AMPD2: variants seen among roughly 807,000 people sequenced by gnomAD.
AMPD2 encodes the protein AMP deaminase 2.
AMPD2 carries 52 observed loss-of-function variants against 91.3 expected under a neutral mutation model. The ratio of observed to expected loss-of-function variants is 0.57; its 90% CI spans 0.46 to 0.72. The LOEUF is 0.72. Among genes scored for constraint, AMPD2 ranks in the 30% least tolerant of loss-of-function variants. The pLI is 0.00. For synonymous variants in AMPD2, 455 were observed against 456.4 expected, an observed-to-expected ratio of 1.00 and a Z score of 0.04; for missense variants, 822 against 1,122.3, an observed-to-expected ratio of 0.73 and a Z score of 3.82.
In AMPD2 at chr1:109,625,874, G is replaced by A. The variant is rs113183446; in HGVS notation, c.353+82G>A. On this transcript the variant is annotated intron_variant, in intron 4 of 18. Coordinates refer to ENST00000528667, the MANE Select transcript of AMPD2 (RefSeq NM_001368809.2). The surrounding 1 kb of genome is among the most constrained non-coding windows in gnomAD (Gnocchi z 4.0). ...AGCCCCTTTTCTGCCTCTTTCCCTC[G>A]CACCCTGCCTTGGGGGGTCTGCACA... The A allele has an allele frequency of 3.1e-5, 49 of 1,571,544 alleles. No individual in the cohort carries two copies. The highest frequency in any genetic ancestry group is 7.1e-5 in the Admixed American group (4 of 56,652).
In AMPD2 at chr1:109,620,104, C is replaced by CA. The variant is rs1650119208; in HGVS notation, c.-435dup. On this transcript the variant is annotated 5_prime_UTR_variant, in exon 1 of 19. Coordinates refer to ENST00000528667, the MANE Select transcript of AMPD2 (RefSeq NM_001368809.2). ...CGGGAGTCCACCTCCGGCCAGCTGG[C>CA]AATTTTGAAAGACTGCCTTACTTTC... 1.0e-6 allele frequency: 1 copy of CA among 990,250 alleles called. No individual in the cohort carries two copies. The highest frequency in any genetic ancestry group is 1.5e-6 in the Non-Finnish European group (1 of 651,636). The allele number at this position is 990,250 out of a possible 1,614,324, so 61.3% of individuals were successfully genotyped here.
In AMPD2 at chr1:109,625,523, C is replaced by G; in HGVS notation, c.222+90C>G. The G allele has an allele frequency of 1.2e-6, 2 of 1,600,792 alleles. No homozygotes were observed. Among genetic ancestry groups the G allele is most frequent in the Admixed American group, 1.7e-5 (1 of 59,548 alleles). On this transcript the variant is annotated intron_variant, in intron 3 of 18. Transcript: ENST00000528667. The surrounding 1 kb of genome is among the most constrained non-coding windows in gnomAD (Gnocchi z 4.0). ...CCCTCACCTCAAGCTGTCCCCTCAC[C>G]TCACGCTTGGCTGTCTCCTGATCCT...
rs758357955 is a variant in AMPD2, at chr1:109,628,237, C to T, written c.1235C>T (p.Thr412Met). 17 of 1,613,966 alleles carry T rather than the reference C, an allele frequency of 1.1e-5. No homozygotes were observed. Among genetic ancestry groups the T allele is most frequent in the Admixed American group, 3.3e-5 (2 of 60,026 alleles). The change falls in exon 11 of 19, where the codon ACG (threonine) becomes ATG (methionine). Residue 412 changes from threonine (T) to methionine (M), a missense_variant. This residue lies in a region of AMPD2 where 430 missense variants were observed against 606.0 expected (regional missense o/e 0.71). Coordinates refer to ENST00000528667, the MANE Select transcript of AMPD2 (RefSeq NM_001368809.2). This position sits in a 1 kb window ranked among gnomAD's most constrained non-coding sequence, Gnocchi z 7.1. ...LREVFESMNL[T>M]AYDLSVDTLD... ...GAGGTCTTTGAGAGCATGAATCTCACGGCCTACGACCTGAGTGTGGACACG... is the reference window on the plus strand; with the variant it reads ...GAGGTCTTTGAGAGCATGAATCTCATGGCCTACGACCTGAGTGTGGACACG...
In AMPD2 at chr1:109,627,766, A is replaced by G. The variant is rs369404045; in HGVS notation, c.951-8A>G. ...CCTAAGTCCCTGCCTTGTTCTCCTC[A>G]TGCCCAGAAAGTCATTCTGCTACCG... On this transcript the variant is annotated splice_polypyrimidine_tract_variant and splice_region_variant and intron_variant, in intron 9 of 18. Transcript: ENST00000528667. 6.2e-7 allele frequency: 1 copy of G among 1,613,410 alleles called. No homozygotes were observed. The highest frequency in any genetic ancestry group is 1.3e-5 in the African/African-American group (1 of 74,748).
intron 7 of AMPD2, 65 bp downstream of exon 7, chr1:109,626,977 C>G: frequency 6.4e-7 from 1 of 1,564,578 alleles, no homozygotes; most frequent in Non-Finnish European, 8.7e-7. Flanking sequence ...AGCCTGGTGC[C>G]TGGGCACCTC....
At position 109,621,208 on chromosome 1, in the gene AMPD2, C is replaced by G; in HGVS notation, c.33C>G (p.Pro11=). ...CCTATCCATCTGGCTCTGGCAAGCCCAAGGCCAAATATCCCTTTAAGAAGC... is the reference window on the plus strand; with the variant it reads ...CCTATCCATCTGGCTCTGGCAAGCCGAAGGCCAAATATCCCTTTAAGAAGC... MASYPSGSGK[P]KAKYPFKKRA... is the part of the protein sequence containing the mutation. The change falls in exon 2 of 19, where the codon CCC becomes CCG. Residue 11 remains proline (P), a synonymous_variant. Coordinates refer to ENST00000528667, the MANE Select transcript of AMPD2 (RefSeq NM_001368809.2). 1 of 1,610,518 alleles carries G rather than the reference C, an allele frequency of 6.2e-7. No individual in the cohort carries two copies. The highest frequency in any genetic ancestry group is 8.5e-7 in the Non-Finnish European group (1 of 1,178,470).
chr1:109,620,494 G>A (rs1570573432), intron 1 of AMPD2: 3 of 1,198,514 alleles, frequency 2.5e-6, no homozygotes, highest in East Asian at 6.6e-5. Flanking sequence ...CAGACAAGGG[G>A]GTCTCCTGGC....
In AMPD2 at chr1:109,631,259, C is replaced by T; in HGVS notation, c.*107C>T. 1 of 1,137,154 alleles carries T rather than the reference C, an allele frequency of 8.8e-7. No homozygotes were observed. The highest frequency in any genetic ancestry group is 1.3e-6 in the Non-Finnish European group (1 of 781,220). 70.4% of individuals were successfully genotyped at this position (1,137,154 alleles called of 1,614,324 possible). A position where few individuals can be genotyped will look rare whatever the true frequency, so the allele number is the denominator to read the frequency against. ...TGCATGTCTCCATTCTTCTCTGTCT[C>T]TGTCTTGCATGTCTCCTACCATGTC... On this transcript the variant is annotated 3_prime_UTR_variant, in exon 19 of 19. Transcript: ENST00000528667.
At chr1:109,630,130 C>T in intron 16 of AMPD2, 103 bp from the exon 17 acceptor site, 2 of 1,404,338 alleles carry the variant, frequency 1.4e-6, no homozygotes, top group Non-Finnish European at 2.0e-6. Flanking sequence ...AGCCTGGATT[C>T]CCCTCCCCCT....
intron 15 of AMPD2, 51 bp from the exon 16 acceptor site, chr1:109,629,745 A>C: frequency 1.3e-6 from 2 of 1,542,788 alleles, no homozygotes; most frequent in South Asian, 2.5e-5. Flanking sequence ...GGCTCCGGTG[A>C]GCCCAGGTGA....
rs1464906402 is a variant in AMPD2 at position 109,629,160 on chromosome 1, G to T, written c.1623G>T (p.Glu541Asp). The T allele has an allele frequency of 1.9e-6, 3 of 1,614,066 alleles. No homozygotes were observed. Among genetic ancestry groups the T allele is most frequent in the Admixed American group, 1.7e-5 (1 of 60,010 alleles). Residue 541 changes from glutamate (E) to aspartate (D), a missense_variant, in exon 14 of 19, where the codon GAG becomes GAT. Glu to Asp is a conservative substitution (Grantham distance 45). Around this residue, in one of 5 missense-constraint regions of AMPD2, gnomAD observed 430 missense variants for 606.0 expected, o/e 0.71. Transcript: ENST00000528667. ...TGGCCAACTTCCAGGAGATGCTGGAGAACATCTTCCTGCCACTGTTCGAGG... is the reference window on the plus strand; with the variant it reads ...TGGCCAACTTCCAGGAGATGCTGGATAACATCTTCCTGCCACTGTTCGAGG... ...GQLANFQEML[E>D]NIFLPLFEAT... is the part of the protein sequence containing the mutation.
intron 13 of AMPD2, 47 bp from the exon 14 acceptor site, chr1:109,629,062 C>T (rs1191173610): frequency 1.2e-6 from 2 of 1,602,418 alleles, no homozygotes; most frequent in African/African-American, 1.3e-5. Context: ...TGGGTTTCCT[C>T]CCACTGGCCC....
chr1:109,627,688 C>T, intron 9 of AMPD2, 86 bp from the exon 10 acceptor site: 1 of 1,575,270 alleles, frequency 6.3e-7, no homozygotes, highest in Non-Finnish European at 8.7e-7. Context: ...TACCCTCCCA[C>T]CTGCTCCCTC....
At position 109,626,325 on chromosome 1, in the gene AMPD2, C is replaced by T. The variant is rs1650679019; in HGVS notation, c.429C>T (p.Tyr143=). ...KTDSDSDLQL[Y]KEQGEGQGDR... Reference sequence around the variant, plus strand: ...TTGAATGCACCCCCTGCAGGCTCTACAAGGAACAGGGTGAGGGGCAGGGTG... The same window carrying T: ...TTGAATGCACCCCCTGCAGGCTCTATAAGGAACAGGGTGAGGGGCAGGGTG... Residue 143 remains tyrosine, a synonymous_variant, in exon 6 of 19, where the codon TAC becomes TAT. Coordinates refer to ENST00000528667, the MANE Select transcript of AMPD2 (RefSeq NM_001368809.2). 3 of 1,613,386 alleles carry T rather than the reference C, an allele frequency of 1.9e-6. No individual in the cohort carries two copies. The highest frequency in any genetic ancestry group is 1.3e-5 in the African/African-American group (1 of 74,854).
intron 2 of AMPD2, 86 bp downstream of exon 2, chr1:109,621,352 G>C: frequency 8.4e-7 from 1 of 1,185,586 alleles, no homozygotes; most frequent in Non-Finnish European, 1.1e-6. Flanking sequence ...CTCAGAGGGG[G>C]CCACCTCCTC....
In AMPD2 at chr1:109,620,335, C is replaced by T. The variant is rs2101139000; in HGVS notation, c.-263+57C>T. ...TCTCTGGGACAGAGAAGTGCTGTGG[C>T]CAGAGTGACAAGAGGGTGGGAGTCA... On this transcript the variant is annotated intron_variant, in intron 1 of 18. Coordinates refer to ENST00000528667, the MANE Select transcript of AMPD2 (RefSeq NM_001368809.2). 3 of 1,606,216 alleles carry T rather than the reference C, an allele frequency of 1.9e-6. No homozygotes were observed. The East Asian group carries it at 6.7e-5, about 36-fold the overall frequency.
chr1:109,622,885 G>A (rs1650375249), intron 2 of AMPD2, among the ~76,000 whole-genome samples: 2 of 152,160 alleles, frequency 1.3e-5, no homozygotes, highest in South Asian at 2.1e-4. Flanking sequence ...ATGTAGGGAG[G>A]AGGTGTGTAA....
At position 109,627,229 on chromosome 1, in the gene AMPD2, C is replaced by T. The variant is rs1332062285; in HGVS notation, c.773C>T (p.Pro258Leu). 6.2e-7 allele frequency: 1 copy of T among 1,613,220 alleles called. No homozygotes were observed. The highest frequency in any genetic ancestry group is 1.3e-5 in the African/African-American group (1 of 74,916). ...CAGCACCCGTATGAGCACTGTGAGCCAAGCACCATGCCTGGGGACCTGGGC... is the reference window on the plus strand; with the variant it reads ...CAGCACCCGTATGAGCACTGTGAGCTAAGCACCATGCCTGGGGACCTGGGC... ...LEQHPYEHCE[P>L]STMPGDLGLG... is the part of the protein sequence containing the mutation. The change falls in exon 8 of 19, where the codon CCA becomes CTA. Residue 258 changes from proline to leucine, a missense_variant. This residue lies in a region of AMPD2 where 240 missense variants were observed against 270.3 expected (regional missense o/e 0.89). Coordinates refer to ENST00000528667, the MANE Select transcript of AMPD2 (RefSeq NM_001368809.2).
At chr1:109,627,704 T>C (rs1650825362) in intron 9 of AMPD2, 70 bp from the exon 10 acceptor site, 6 of 1,592,678 alleles carry the variant, frequency 3.8e-6, no homozygotes, top group Non-Finnish European at 5.1e-6. Context: ...CCCTCTGATC[T>C]GCTACCCAAG....
Sources: allele counts gnomAD v4.1 joint callset (sites outside exome capture counted in the v4.1 genomes callset), GRCh38; gene constraint gnomAD v4.1.1; regional missense constraint gnomAD v4.1.1; non-coding constraint Gnocchi (gnomAD v3.1); transcripts MANE v1.5; gene names NCBI Gene and HGNC (gene_info 2026-07-23, HGNC 2026-07-21).